NDUFS1: variants seen among roughly 807,000 people sequenced by gnomAD.
NDUFS1 encodes the protein NADH-ubiquinone oxidoreductase 75 kDa subunit, mitochondrial.
NDUFS1 carries 61 observed loss-of-function variants against 84.4 expected under a neutral mutation model. The ratio of observed to expected loss-of-function variants is 0.72; its 90% CI spans 0.59 to 0.89. The LOEUF (loss-of-function observed/expected upper bound fraction) is 0.89, where lower values mean the gene tolerates loss of function less well. NDUFS1 is among the 40% of genes least tolerant of loss of function. NDUFS1 has a pLI of 0.00. For missense variants in NDUFS1, 891 were observed against 890.0 expected (o/e 1.00, Z -0.01); for synonymous variants, 275 against 290.0 (o/e 0.95, Z 0.53).
At chr2:206,127,993 G>A in intron 15 of NDUFS1, 21 bp from the exon 16 acceptor site, 1 of 1,613,098 alleles carries the variant, frequency 6.2e-7, no homozygotes, top group Non-Finnish European at 8.5e-7. Context: ...ATGGAAAATG[G>A]TAAACCAAAA....
intron 2 of NDUFS1, among the ~76,000 whole-genome samples, chr2:206,153,114 T>G (rs920724637): frequency 2.6e-5 from 4 of 152,190 alleles, no homozygotes; most frequent in African/African-American, 9.6e-5. Context: ...TCCTAATACT[T>G]TCTATTCCAT....
At position 206,155,478 on chromosome 2, in the gene NDUFS1, G is replaced by A. The variant is rs751430629; in HGVS notation, c.-4-1796C>T. Reference sequence around the variant, plus strand: ...CAGTCTCACTCTGTCACCCAGGAGTGCAGTGGCAAGATCTCGGCTCACTGC... The same window carrying A: ...CAGTCTCACTCTGTCACCCAGGAGTACAGTGGCAAGATCTCGGCTCACTGC... On this transcript the variant is annotated intron_variant, in intron 1 of 18. Transcript: ENST00000233190. 7.3e-4 allele frequency among the ~76,000 whole-genome samples: 111 copies of A among 151,848 alleles called. 4 individuals carry two copies. The highest frequency in any genetic ancestry group is 2.5e-4 in the Non-Finnish European group (17 of 67,982).
At position 206,145,509 on chromosome 2, in the gene NDUFS1, C is replaced by T. The variant is rs1305035562; in HGVS notation, c.738-483G>A. ...TGACACAGAAGCTAGTTTGAAGGGG[C>T]TCCAACTAGCCAAATCTGGGACGAT... On this transcript the variant is annotated intron_variant, in intron 8 of 18. Coordinates refer to ENST00000233190, the MANE Select transcript of NDUFS1 (RefSeq NM_005006.7). Among the ~76,000 whole-genome samples, 5 of 152,298 alleles carry T rather than the reference C, an allele frequency of 3.3e-5. No homozygotes were observed. In the East Asian group the frequency reaches 9.6e-4, roughly 29 times the overall value.
rs1691100675 is a variant in NDUFS1 at position 206,121,711 on chromosome 2, C to T, written c.*2474G>A. ...CAATGATCTGCCCGCCTCAGCCTGC[C>T]AAAGTGCTGGGATTACAGGTGTGAG... On this transcript the variant is annotated 3_prime_UTR_variant, in exon 19 of 19. Transcript: ENST00000233190. 6.6e-6 allele frequency: 1 copy of T among 152,216 alleles called. No individual in the cohort carries two copies. Among genetic ancestry groups the T allele is most frequent in the South Asian group, 2.1e-4 (1 of 4,830 alleles). The allele number at this position is 152,216 out of a possible 1,614,324, so 9.4% of individuals were successfully genotyped here.
At chr2:206,124,406 T>C (rs1054222808) in intron 18 of NDUFS1, 130 bp from the exon 19 acceptor site, 19 of 714,000 alleles carry the variant, frequency 2.7e-5, no homozygotes, top group African/African-American at 1.8e-4. Flanking sequence ...TATAATTATA[T>C]GTAACCAACA....
rs1692414736 is a variant in NDUFS1 at position 206,152,601 on chromosome 2, A to C, written c.62-91T>G. 3 of 1,099,960 alleles carry C rather than the reference A, an allele frequency of 2.7e-6. No individual in the cohort carries two copies. The Admixed American group carries it at 5.4e-5, about 20-fold the overall frequency. The allele number at this position is 1,099,960 out of a possible 1,614,324, so 68.1% of individuals were successfully genotyped here. The stretch of plus-strand genomic sequence containing the variant: ...GAATTGACTCTAACTACAAACCTAA[A>C]ATTTTTCATTCCTTATTATTCCTCT... On this transcript the variant is annotated intron_variant, in intron 2 of 18. Transcript: ENST00000233190.
chr2:206,155,578 C>T (rs908267770), intron 1 of NDUFS1, among the ~76,000 whole-genome samples: 4 of 152,002 alleles, frequency 2.6e-5, no homozygotes, highest in Admixed American at 1.3e-4. Flanking sequence ...TCAACATGCC[C>T]GGCAAATTTT....
intron 15 of NDUFS1, among the ~76,000 whole-genome samples, chr2:206,129,341 C>T (rs776271429): frequency 6.6e-6 from 1 of 152,020 alleles, no homozygotes; most frequent in African/African-American, 2.4e-5. Context: ...TGGCTCATTG[C>T]AGCCTCAAAC....
At chr2:206,156,146 C>T (rs1687641548) in intron 1 of NDUFS1, among the ~76,000 whole-genome samples, 1 of 151,536 alleles carries the variant, frequency 6.6e-6, no homozygotes, top group Non-Finnish European at 1.5e-5. Flanking sequence ...GCCTGTAGTC[C>T]CAGCTACTGG....
At chr2:206,156,965 G>A (rs1687679520) in intron 1 of NDUFS1, among the ~76,000 whole-genome samples, 1 of 152,190 alleles carries the variant, frequency 6.6e-6, no homozygotes, top group South Asian at 2.1e-4. Flanking sequence ...ATCAGTATGT[G>A]TGTGTGTTTT....
At chr2:206,129,133 A>C (rs957627071) in intron 15 of NDUFS1, among the ~76,000 whole-genome samples, 27 of 152,224 alleles carry the variant, frequency 1.8e-4, no homozygotes, top group African/African-American at 5.3e-4. Context: ...AAATCGTAGA[A>C]TAATATATAG....
chr2:206,141,898 T>A (rs748508991), intron 12 of NDUFS1, 43 bp downstream of exon 12: 2 of 1,549,380 alleles, frequency 1.3e-6, no homozygotes, highest in Admixed American at 1.7e-5. Flanking sequence ...AACAAAAAAA[T>A]TACATAAATA....
chr2:206,134,755 T>C (rs1258035133), intron 13 of NDUFS1, among the ~76,000 whole-genome samples: 6 of 152,016 alleles, frequency 3.9e-5, no homozygotes, highest in Admixed American at 2.6e-4. Context: ...GGTGGGAGAA[T>C]TGCTTGAGGC....
At chr2:206,135,336 A>G (rs560812478) in intron 13 of NDUFS1, among the ~76,000 whole-genome samples, 1 of 152,188 alleles carries the variant, frequency 6.6e-6, no homozygotes, top group Non-Finnish European at 1.5e-5. Flanking sequence ...TTCTTAATGA[A>G]GGTAACAGAA....
At chr2:206,132,138 T>C (rs1481950038) in intron 14 of NDUFS1, among the ~76,000 whole-genome samples, 1 of 151,046 alleles carries the variant, frequency 6.6e-6, no homozygotes. Flanking sequence ...AAAAATAAAA[T>C]AAAATATTAC....
In NDUFS1 at chr2:206,122,018, T is replaced by G. The variant is rs1691109986; in HGVS notation, c.*2167A>C. 1 of 152,144 alleles carries G rather than the reference T, an allele frequency of 6.6e-6. No individual in the cohort carries two copies. Among genetic ancestry groups the G allele is most frequent in the Admixed American group, 6.5e-5 (1 of 15,268 alleles). 9.4% of individuals were successfully genotyped at this position (152,144 alleles called of 1,614,324 possible). On this transcript the variant is annotated 3_prime_UTR_variant, in exon 19 of 19. Coordinates refer to ENST00000233190, the MANE Select transcript of NDUFS1 (RefSeq NM_005006.7). ...AAGTTCAAACACTTTTGGCAAGAAT[T>G]TATACAATTTCAGGTAACTGGGCAT...
intron 1 of NDUFS1, chr2:206,159,129 C>G (rs997356774): frequency 6.5e-7 from 1 of 1,535,730 alleles, no homozygotes; most frequent in Admixed American, 2.0e-5. Context: ...CCCCCTGATC[C>G]TCATCTTCTT....
At chr2:206,137,049 G>A (rs1691745156) in intron 13 of NDUFS1, among the ~76,000 whole-genome samples, 1 of 151,808 alleles carries the variant, frequency 6.6e-6, no homozygotes. Flanking sequence ...CACCATGCCC[G>A]GCCAACTCCT....
rs542980622 is a variant in NDUFS1, at chr2:206,128,093, T to C, written c.1709-121A>G. The C allele has an allele frequency of 9.5e-5, 105 of 1,109,054 alleles. No homozygotes were observed. In the African/African-American group the frequency reaches 1.4e-3, roughly 15 times the overall value. The allele number at this position is 1,109,054 out of a possible 1,614,324, so 68.7% of individuals were successfully genotyped here. A position where few individuals can be genotyped will look rare whatever the true frequency, so the allele number is the denominator to read the frequency against. ...GTAAAGTCACAAAAGTTTTTAAAAC[T>C]AAAATGAAACAGTAGTGAAGTAATA... On this transcript the variant is annotated intron_variant, in intron 15 of 18. Transcript: ENST00000233190.
Sources: allele counts gnomAD v4.1 joint callset (sites outside exome capture counted in the v4.1 genomes callset), GRCh38; gene constraint gnomAD v4.1.1; transcripts MANE v1.5; gene names NCBI Gene and HGNC (gene_info 2026-07-23, HGNC 2026-07-21).